The following RPTOR variants were observed in gnomAD, a reference collection of about 807,000 sequenced individuals.
RPTOR encodes the protein regulatory associated protein of MTOR complex 1.
RPTOR carries 21 observed loss-of-function variants against 169.9 expected under a neutral mutation model. The observed-to-expected ratio is 0.12, with a 90% CI of 0.09 to 0.18. The LOEUF (loss-of-function observed/expected upper bound fraction) is 0.18, where lower values mean the gene tolerates loss of function less well. RPTOR is among the 10% of genes least tolerant of loss of function. The probability of loss-of-function intolerance (pLI) is 1.00; values close to 1 mark genes in which losing one functional copy is unlikely to be tolerated. For synonymous variants in RPTOR, 732 were observed against 753.2 expected, an observed-to-expected ratio of 0.97 and a Z score of 0.46; for missense variants, 1,133 against 1,855.9, an observed-to-expected ratio of 0.61 and a Z score of 7.16.
At chr17:80,852,398 A>T (rs544812877) in intron 11 of RPTOR, among the ~76,000 whole-genome samples, 9 of 152,176 alleles carry the variant, frequency 5.9e-5, no homozygotes, top group African/African-American at 1.7e-4. Context: ...CAGCAGTGGC[A>T]TGCGACAGCC....
intron 3 of RPTOR, among the ~76,000 whole-genome samples, chr17:80,705,325 C>A (rs2066134608): frequency 6.6e-6 from 1 of 152,252 alleles, no homozygotes. Context: ...GTGGCTCTAA[C>A]CCCGCCTCAG....
At chr17:80,565,290 C>T (rs62068268) in intron 1 of RPTOR, among the ~76,000 whole-genome samples, 8,351 of 152,202 alleles carry the variant, frequency 0.055, 292 homozygotes, top group Non-Finnish European at 0.083. Context: ...TGGATGACTG[C>T]GCCAATGCCA....
At chr17:80,869,158 T>C (rs909979546) in intron 13 of RPTOR, among the ~76,000 whole-genome samples, 2 of 152,150 alleles carry the variant, frequency 1.3e-5, no homozygotes, top group Non-Finnish European at 2.9e-5. Context: ...TAGATTTTAT[T>C]TTGTTTTTTT....
At chr17:80,895,169 C>A (rs2068382475) in intron 20 of RPTOR, among the ~76,000 whole-genome samples, 1 of 152,222 alleles carries the variant, frequency 6.6e-6, no homozygotes, top group Non-Finnish European at 1.5e-5. Flanking sequence ...ATCCAACACA[C>A]CCTCACTCGC....
At chr17:80,630,740 G>A (rs74000841) in intron 2 of RPTOR, among the ~76,000 whole-genome samples, 2 of 152,230 alleles carry the variant, frequency 1.3e-5, no homozygotes, top group South Asian at 2.1e-4. Flanking sequence ...CACAGTCCTC[G>A]TGCATTAGGG....
chr17:80,612,435 A>G (rs550505853), intron 1 of RPTOR, among the ~76,000 whole-genome samples: 1 of 152,304 alleles, frequency 6.6e-6, no homozygotes, highest in East Asian at 1.9e-4. Context: ...GGCCTAATAT[A>G]TGAATCTTAA....
At chr17:80,794,087 G>T (rs1222522661) in intron 7 of RPTOR, among the ~76,000 whole-genome samples, 1 of 152,158 alleles carries the variant, frequency 6.6e-6, no homozygotes, top group South Asian at 2.1e-4. Flanking sequence ...AAAAAAATTG[G>T]TAAATTGGAC....
chr17:80,653,846 C>T (rs1368553027), intron 3 of RPTOR, among the ~76,000 whole-genome samples: 1 of 152,190 alleles, frequency 6.6e-6, no homozygotes, highest in Non-Finnish European at 1.5e-5. Flanking sequence ...CAGCTGTGTT[C>T]ACATCCTAGT....
At chr17:80,828,409 G>T (rs2143640371) in intron 9 of RPTOR, among the ~76,000 whole-genome samples, 1 of 152,354 alleles carries the variant, frequency 6.6e-6, no homozygotes, top group East Asian at 1.9e-4. Flanking sequence ...AGCTGGACAT[G>T]AGAAGCTGCT....
At chr17:80,739,545 C>T (rs193252057) in intron 5 of RPTOR, among the ~76,000 whole-genome samples, 5 of 152,304 alleles carry the variant, frequency 3.3e-5, no homozygotes, top group Admixed American at 6.5e-5. Context: ...AGCGTCCATG[C>T]GGCATTCATC....
At chr17:80,578,444 T>C (rs917280404) in intron 1 of RPTOR, among the ~76,000 whole-genome samples, 30 of 152,300 alleles carry the variant, frequency 2.0e-4, no homozygotes, top group East Asian at 5.8e-4. Context: ...CTTCCCAACA[T>C]GGCCAAACAA....
At chr17:80,643,596 C>T (rs1383653601) in intron 2 of RPTOR, 132 bp from the exon 3 acceptor site, 1 of 641,616 alleles carries the variant, frequency 1.6e-6, no homozygotes, top group Non-Finnish European at 2.7e-6. Context: ...ACTGATCAAC[C>T]TTAGGCGTTG....
In RPTOR at chr17:80,837,388, C is replaced by T. The variant is rs542820267; in HGVS notation, c.1137-534C>T. 2.0e-4 allele frequency among the ~76,000 whole-genome samples: 31 copies of T among 152,256 alleles called. No individual in the cohort carries two copies. In the East Asian group the frequency reaches 5.8e-3, roughly 28 times the overall value. ...GGAGGGACAGGGAGGGGCCTGACGG[C>T]ACCATCACAGCGCAGAGCTCAGCCC... On this transcript the variant is annotated intron_variant, in intron 9 of 33. Transcript: ENST00000306801.
chr17:80,700,218 G>A (rs953040722), intron 3 of RPTOR, among the ~76,000 whole-genome samples: 5 of 152,316 alleles, frequency 3.3e-5, no homozygotes, highest in African/African-American at 4.8e-5. Context: ...GCAGGGACTC[G>A]TAGGTCTTTC....
At position 80,960,140 on chromosome 17, in the gene RPTOR, C is replaced by T; in HGVS notation, c.3540C>T (p.Leu1180=). Residue 1180 remains leucine, a synonymous_variant, in exon 30 of 34, where the codon CTC becomes CTT. Coordinates refer to ENST00000306801, the MANE Select transcript of RPTOR (RefSeq NM_020761.3). This position sits in a 1 kb window ranked among gnomAD's most constrained non-coding sequence, Gnocchi z 4.8. ...TGTCCTGTGATTCCCACCGCTCACT[C>T]ATCGTGGCTGGCCTCGGTGACGGCT... ...TSLSCDSHRS[L]IVAGLGDGSI... is the part of the protein sequence containing the mutation. The T allele has an allele frequency of 1.2e-6, 2 of 1,613,732 alleles. No homozygotes were observed. The highest frequency in any genetic ancestry group is 1.7e-6 in the Non-Finnish European group (2 of 1,180,016).
intron 21 of RPTOR, among the ~76,000 whole-genome samples, chr17:80,916,520 G>A (rs1046953441): frequency 6.6e-6 from 1 of 152,230 alleles, no homozygotes; most frequent in Non-Finnish European, 1.5e-5. Context: ...GTGAGATGCG[G>A]GCCAGCAGTG....
intron 1 of RPTOR, among the ~76,000 whole-genome samples, chr17:80,561,266 T>TATATATATATATATATATATATATAC (rs2084489006): frequency 2.1e-5 from 1 of 47,266 alleles, no homozygotes; most frequent in Admixed American, 3.7e-4. Context: ...TATATATGTA[T>TATATATATATATATATATATATATAC]ATATATATAT....
intron 1 of RPTOR, among the ~76,000 whole-genome samples, chr17:80,586,058 G>A (rs1485300099): frequency 6.6e-6 from 1 of 152,108 alleles, no homozygotes; most frequent in Admixed American, 6.5e-5. Context: ...AGTTTGTCGG[G>A]AGGCGCTCTG....
chr17:80,709,035 G>A (rs2066164180), intron 4 of RPTOR: 1 of 985,412 alleles, frequency 1.0e-6, no homozygotes, highest in Non-Finnish European at 1.2e-6. Flanking sequence ...TGGTGAAGCA[G>A]TGTGGGCCCA....
Sources: allele counts gnomAD v4.1 joint callset (sites outside exome capture counted in the v4.1 genomes callset), GRCh38; gene constraint gnomAD v4.1.1; non-coding constraint Gnocchi (gnomAD v3.1); transcripts MANE v1.5; gene names NCBI Gene and HGNC (gene_info 2026-07-23, HGNC 2026-07-21).